SPAG6: variants seen among roughly 807,000 people sequenced by gnomAD.
The protein encoded by SPAG6 is sperm-associated antigen 6.
In SPAG6, 49 loss-of-function variants were observed where a neutral mutation model predicts 58.5. That is an observed-to-expected ratio of 0.84 (90% CI 0.67 to 1.06). The LOEUF is 1.06. SPAG6 is among the 50% of genes least tolerant of loss of function. The pLI is 0.00. For missense variants in SPAG6, 560 were observed against 611.3 expected (o/e 0.92, Z 0.89); for synonymous variants, 233 against 225.6 (o/e 1.03, Z -0.29).
rs756075578 is a variant in SPAG6 at position 22,387,908 on chromosome 10, T to C, written c.764T>C (p.Val255Ala). ...EMVVEAEIFPVVLTCLKDKDE... is the reference protein window; with the variant it reads ...EMVVEAEIFPAVLTCLKDKDE... ...GTTGTTGAAGCAGAGATTTTTCCAG[T>C]TGTACTTACCTGTCTGAAGGACAAG... Residue 255 changes from valine to alanine, a missense_variant, in exon 6 of 11, where the codon GTT (valine) becomes GCT (alanine). By Grantham distance (64) the Val-to-Ala change is moderately conservative. Coordinates refer to ENST00000376624, the MANE Select transcript of SPAG6 (RefSeq NM_012443.4). 6.2e-7 allele frequency: 1 copy of C among 1,613,600 alleles called. No homozygotes were observed. Among genetic ancestry groups the C allele is most frequent in the Non-Finnish European group, 8.5e-7 (1 of 1,179,698 alleles).
chr10:22,394,616 G>C (rs1834250243), intron 8 of SPAG6, among the ~76,000 whole-genome samples: 1 of 152,132 alleles, frequency 6.6e-6, no homozygotes, highest in Non-Finnish European at 1.5e-5. Flanking sequence ...CTGTGATTCT[G>C]TATCCCCTCT....
At chr10:22,387,672 A>C in intron 5 of SPAG6, 151 bp from the exon 6 acceptor site, 1 of 654,210 alleles carries the variant, frequency 1.5e-6, no homozygotes, top group Non-Finnish European at 2.3e-6. Context: ...GAATGTCTCA[A>C]GACTCAGAAA....
At chr10:22,401,620 G>A (rs1434814200) in intron 9 of SPAG6, among the ~76,000 whole-genome samples, 1 of 152,116 alleles carries the variant, frequency 6.6e-6, no homozygotes, top group Non-Finnish European at 1.5e-5. Flanking sequence ...AGATCATAAA[G>A]AGAAAAGGAA....
intron 8 of SPAG6, among the ~76,000 whole-genome samples, chr10:22,392,865 G>T (rs191055439): frequency 6.6e-5 from 10 of 151,990 alleles, no homozygotes; most frequent in Non-Finnish European, 8.8e-5. Context: ...ATGTATATTT[G>T]GTCATGTTTG....
intron 4 of SPAG6, among the ~76,000 whole-genome samples, chr10:22,378,717 A>G (rs373218992): frequency 6.6e-6 from 1 of 152,078 alleles, no homozygotes; most frequent in East Asian, 1.9e-4. Flanking sequence ...TCCTCAGCCT[A>G]TTGTTGTTCA....
intron 4 of SPAG6, among the ~76,000 whole-genome samples, chr10:22,381,812 A>T (rs895167761): frequency 6.6e-6 from 1 of 152,162 alleles, no homozygotes; most frequent in East Asian, 1.9e-4. Context: ...AATCTTATGA[A>T]TGTTGTTGAT....
intron 2 of SPAG6, chr10:22,361,117 A>T (rs1837024033): frequency 5.3e-6 from 2 of 375,578 alleles, no homozygotes; most frequent in Admixed American, 8.8e-5. Flanking sequence ...ACTATTTTTG[A>T]CTATTTTCTT....
chr10:22,412,514 G>T (rs904591304), intron 10 of SPAG6: 1 of 1,490,560 alleles, frequency 6.7e-7, no homozygotes, highest in African/African-American at 1.4e-5. Context: ...GACCAAAAGA[G>T]TTCCAATAGG....
At chr10:22,353,389 A>C (rs1836784143) in intron 2 of SPAG6, among the ~76,000 whole-genome samples, 1 of 152,266 alleles carries the variant, frequency 6.6e-6, no homozygotes, top group Non-Finnish European at 1.5e-5. Flanking sequence ...TCAAATTAAA[A>C]TAGAGTTTTG....
intron 4 of SPAG6, among the ~76,000 whole-genome samples, chr10:22,385,710 AC>A (rs1431488993): frequency 6.6e-6 from 1 of 152,222 alleles, no homozygotes; most frequent in Non-Finnish European, 1.5e-5. Flanking sequence ...TTGTGATATT[AC>A]CAATACTTTG....
In SPAG6 at chr10:22,416,656, A is replaced by G. The variant is rs771059902; in HGVS notation, c.1498A>G (p.Arg500Gly). The change falls in exon 11 of 11, where the codon AGG becomes GGG. Residue 500 changes from arginine (R) to glycine (G), a missense_variant. Transcript: ENST00000376624. ...SPGYSDTLLQ[R>G]VDSYQPLNN ...TGGATATTCAGATACACTTCTGCAG[A>G]GGGTGGACAGCTATCAACCACTTAA... 3.1e-6 allele frequency: 5 copies of G among 1,609,426 alleles called. No homozygotes were observed. The highest frequency in any genetic ancestry group is 4.3e-6 in the Non-Finnish European group (5 of 1,176,080).
Position 22,345,516 on chromosome 10 carries a change from A to G in SPAG6, c.-96A>G. ...TACACAGAGAAGCGGCTCCCGTCGG[A>G]GGCCGAGTCGTCGCCACGATCGCCC... On this transcript the variant is annotated 5_prime_UTR_variant, in exon 1 of 11. Transcript: ENST00000376624. The surrounding 1 kb of genome is among the most constrained non-coding windows in gnomAD (Gnocchi z 6.3). 1 of 1,059,110 alleles carries G rather than the reference A, an allele frequency of 9.4e-7. No homozygotes were observed. The highest frequency in any genetic ancestry group is 2.7e-5 in the East Asian group (1 of 36,532). The allele number at this position is 1,059,110 out of a possible 1,614,324, so 65.6% of individuals were successfully genotyped here.
chr10:22,410,926 G>A, intron 9 of SPAG6, 105 bp from the exon 10 acceptor site: 1 of 1,150,238 alleles, frequency 8.7e-7, no homozygotes, highest in Admixed American at 2.6e-5. Flanking sequence ...GGTATATTGG[G>A]TATAAATTCT....
intron 7 of SPAG6, among the ~76,000 whole-genome samples, chr10:22,390,343 G>C (rs1012984105): frequency 2.0e-5 from 3 of 152,090 alleles, no homozygotes; most frequent in African/African-American, 7.2e-5. Context: ...AGCAATTGCC[G>C]TTGCTTCCCA....
At chr10:22,354,553 A>G (rs1836814926) in intron 2 of SPAG6, among the ~76,000 whole-genome samples, 3 of 152,230 alleles carry the variant, frequency 2.0e-5, no homozygotes, top group African/African-American at 7.2e-5. Context: ...TTTGAAAACT[A>G]TATTAAAAGC....
In SPAG6 at chr10:22,345,891, C is replaced by A; in HGVS notation, c.121+73C>A. The A allele has an allele frequency of 6.3e-7, 1 of 1,579,084 alleles. No individual in the cohort carries two copies. Among genetic ancestry groups the A allele is most frequent in the Non-Finnish European group, 8.6e-7 (1 of 1,162,910 alleles). On this transcript the variant is annotated intron_variant, in intron 2 of 10. Transcript: ENST00000376624. The surrounding 1 kb of genome is among the most constrained non-coding windows in gnomAD (Gnocchi z 6.3). The stretch of plus-strand genomic sequence containing the variant: ...CGACGCCTCCGCCCCGCTGCCCTGC[C>A]CGTGGAGCTCTTGGGGAGCCGCAGT...
In SPAG6 at chr10:22,417,225, T is replaced by G. The variant is rs1480409449; in HGVS notation, c.*537T>G. The G allele has an allele frequency of 6.6e-6, 1 of 152,218 alleles. No homozygotes were observed. Among genetic ancestry groups the G allele is most frequent in the Non-Finnish European group, 1.5e-5 (1 of 68,060 alleles). The allele number at this position is 152,218 out of a possible 1,614,324, so 9.4% of individuals were successfully genotyped here. A position where few individuals can be genotyped will look rare whatever the true frequency, so the allele number is the denominator to read the frequency against. On this transcript the variant is annotated 3_prime_UTR_variant, in exon 11 of 11. Coordinates refer to ENST00000376624, the MANE Select transcript of SPAG6 (RefSeq NM_012443.4). Reference sequence around the variant, plus strand: ...GGACTCTGTGGGTAACCTGTTAGGTTTTACTAAGAATTTAGGAAAAATTTA... The same window carrying G: ...GGACTCTGTGGGTAACCTGTTAGGTGTTACTAAGAATTTAGGAAAAATTTA...
At chr10:22,359,133 T>G (rs1836958097) in intron 2 of SPAG6, among the ~76,000 whole-genome samples, 1 of 152,202 alleles carries the variant, frequency 6.6e-6, no homozygotes, top group Non-Finnish European at 1.5e-5. Flanking sequence ...TTCTATTATA[T>G]TATTTCTTAT....
At position 22,366,384 on chromosome 10, in the gene SPAG6, GT is replaced by G. The variant is rs777345404; in HGVS notation, c.288+1366del. The stretch of plus-strand genomic sequence containing the variant: ...AATCCATAGAGACAGAAGCAGATTA[GT>G]GGTTGCCAGGGGCTGGAAGGAGAAG... On this transcript the variant is annotated intron_variant, in intron 3 of 10. Coordinates refer to ENST00000376624, the MANE Select transcript of SPAG6 (RefSeq NM_012443.4). 2.6e-5 allele frequency among the ~76,000 whole-genome samples: 4 copies of G among 152,314 alleles called. No individual in the cohort carries two copies. In the South Asian group the frequency reaches 8.3e-4, roughly 32 times the overall value.
Sources: allele counts gnomAD v4.1 joint callset (sites outside exome capture counted in the v4.1 genomes callset), GRCh38; gene constraint gnomAD v4.1.1; non-coding constraint Gnocchi (gnomAD v3.1); transcripts MANE v1.5; gene names NCBI Gene and HGNC (gene_info 2026-07-23, HGNC 2026-07-21).